Variants in DMD observed in about 807,000 individuals in gnomAD.
The protein encoded by DMD is mutant dystrophin.
A neutral mutation model predicts 330.1 loss-of-function variants in DMD; 63 were observed. The ratio of observed to expected loss-of-function variants is 0.19; its 90% confidence interval spans 0.16 to 0.24. The LOEUF is 0.24. Ranked by LOEUF, DMD falls within the 10% of genes least tolerant of loss-of-function variation. The probability of loss-of-function intolerance (pLI) is 1.00; values close to 1 mark genes in which losing one functional copy is unlikely to be tolerated. For missense variants in DMD, 3,344 were observed against 2,684.1 expected (o/e 1.25, Z -5.43); for synonymous variants, 1,223 against 959.8 (o/e 1.27, Z -5.07).
chrX:32,127,238 C>T (rs530387962), intron 44 of DMD, among the ~76,000 whole-genome samples: 1 of 111,776 alleles, frequency 8.9e-6, no homozygotes, highest in Admixed American at 9.6e-5. Flanking sequence ...TTGTTCTAGC[C>T]AACACACATC....
chrX:31,812,779 G>A (rs1234739708), intron 50 of DMD, among the ~76,000 whole-genome samples: 2 of 111,584 alleles, frequency 1.8e-5, no homozygotes, highest in Non-Finnish European at 3.8e-5. Flanking sequence ...CTCTGTCACT[G>A]ACTAGCTCTG....
chrX:32,581,723 A>G (rs1427981757), intron 13 of DMD, among the ~76,000 whole-genome samples: 2 of 112,165 alleles, frequency 1.8e-5, no homozygotes, highest in African/African-American at 6.5e-5. Flanking sequence ...CCAAGCCTGC[A>G]TAATCAGGTA....
rs187019909 is a variant in DMD, at chrX:31,250,682, C to G, written c.9286+10273G>C. Among the ~76,000 whole-genome samples, 13 of 111,551 alleles carry G rather than the reference C, an allele frequency of 1.2e-4. 1 individual carries two copies. In the South Asian group the frequency reaches 4.9e-3, roughly 42 times the overall value. The stretch of plus-strand genomic sequence containing the variant: ...TTCATCTCATGGAGCAGGGTACAGA[C>G]GAGGTCAAGTGTTGTTGAACTTGAC... On this transcript the variant is annotated intron_variant, in intron 63 of 78. Coordinates refer to ENST00000357033, the MANE Select transcript of DMD (RefSeq NM_004006.3).
chrX:33,258,702 T>C (rs1426793168), intron 1 of DMD, among the ~76,000 whole-genome samples: 1 of 110,925 alleles, frequency 9.0e-6, no homozygotes, highest in Non-Finnish European at 1.9e-5. Context: ...ATATATATGA[T>C]ATTCCAAGAC....
At chrX:33,315,082 G>T in intron 1 of DMD, among the ~76,000 whole-genome samples, 1 of 111,987 alleles carries the variant, frequency 8.9e-6, no homozygotes, top group Middle Eastern at 4.7e-3. Context: ...GCCTCCCAAA[G>T]TGCTGGGATT....
At position 31,911,948 on chromosome X, in the gene DMD, G is replaced by A. The variant is rs113794405; in HGVS notation, c.6912+17648C>T. On this transcript the variant is annotated intron_variant, in intron 47 of 78. Transcript: ENST00000357033. ...TAAGCAGAGCGAAAATAAAAGTATC[G>A]TCATTTTGAAGTGCCATCTTCTCTT... 7.5e-3 allele frequency among the ~76,000 whole-genome samples: 834 copies of A among 111,779 alleles called. 6 individuals carry two copies. Among genetic ancestry groups the A allele is most frequent in the African/African-American group, 0.025 (775 of 30,794 alleles).
intron 1 of DMD, among the ~76,000 whole-genome samples, chrX:33,063,213 A>C (rs1050718014): frequency 1.8e-5 from 2 of 112,104 alleles, no homozygotes; most frequent in Non-Finnish European, 3.8e-5. Flanking sequence ...TCAAATTATA[A>C]TAAAACTAGT....
At chrX:32,900,700 T>C (rs1318440680) in intron 2 of DMD, among the ~76,000 whole-genome samples, 1 of 111,051 alleles carries the variant, frequency 9.0e-6, no homozygotes, top group Non-Finnish European at 1.9e-5. Flanking sequence ...TATTGCTCTA[T>C]ATTCCTTACA....
intron 44 of DMD, among the ~76,000 whole-genome samples, chrX:32,043,219 A>C (rs1216198452): frequency 8.9e-6 from 1 of 112,206 alleles, no homozygotes; most frequent in Non-Finnish European, 1.9e-5. Context: ...ACTTAAAAGA[A>C]AAATGGAAAT....
chrX:32,820,519 G>C (rs1313720673), intron 5 of DMD, among the ~76,000 whole-genome samples: 2 of 112,160 alleles, frequency 1.8e-5, no homozygotes, highest in Non-Finnish European at 3.8e-5. Context: ...TAATAGTCTT[G>C]AAAGCTTATC....
intron 54 of DMD, among the ~76,000 whole-genome samples, chrX:31,647,668 C>T (rs1303230565): frequency 1.8e-5 from 2 of 111,731 alleles, no homozygotes; most frequent in African/African-American, 6.5e-5. Context: ...AAAGGCAATC[C>T]ATCAGTAATT....
At chrX:32,772,683 G>A (rs2073737764) in intron 7 of DMD, among the ~76,000 whole-genome samples, 1 of 111,157 alleles carries the variant, frequency 9.0e-6, no homozygotes, top group Admixed American at 9.6e-5. Context: ...CCCTATGTAA[G>A]TGAACTAATA....
chrX:32,108,028 A>G (rs892984235), intron 44 of DMD, among the ~76,000 whole-genome samples: 9 of 111,397 alleles, frequency 8.1e-5, no homozygotes, highest in African/African-American at 2.9e-4. Context: ...GGAATAATTG[A>G]CATTCTCTAC....
chrX:31,257,199 G>A (rs772064386), intron 63 of DMD, among the ~76,000 whole-genome samples: 2 of 107,482 alleles, frequency 1.9e-5, no homozygotes, highest in Non-Finnish European at 3.8e-5. Flanking sequence ...AGAAGTGGGC[G>A]TCTCTAGGAA....
At chrX:31,621,668 G>T (rs1007879286) in intron 55 of DMD, among the ~76,000 whole-genome samples, 1 of 111,832 alleles carries the variant, frequency 8.9e-6, no homozygotes, top group Non-Finnish European at 1.9e-5. Context: ...GGGACTCAGA[G>T]GTCAGACAAT....
intron 43 of DMD, among the ~76,000 whole-genome samples, chrX:32,254,723 A>G (rs1160305676): frequency 8.9e-6 from 1 of 112,335 alleles, no homozygotes; most frequent in Non-Finnish European, 1.9e-5. Flanking sequence ...ATTGCATTAC[A>G]TGCAATTGTT....
intron 43 of DMD, among the ~76,000 whole-genome samples, chrX:32,250,596 T>C (rs2097259714): frequency 8.9e-6 from 1 of 112,067 alleles, no homozygotes; most frequent in African/African-American, 3.2e-5. Flanking sequence ...GTGTTTTCAC[T>C]CTGGACATGA....
intron 18 of DMD, among the ~76,000 whole-genome samples, chrX:32,514,927 C>T (rs2045709113): frequency 8.9e-6 from 1 of 111,914 alleles, no homozygotes; most frequent in African/African-American, 3.3e-5. Flanking sequence ...AAAAAATCTA[C>T]TAACCTAGTG....
At chrX:33,279,637 A>T (rs2148920077) in intron 1 of DMD, among the ~76,000 whole-genome samples, 1 of 111,224 alleles carries the variant, frequency 9.0e-6, no homozygotes, top group Admixed American at 9.6e-5. Context: ...GAACTGCCAA[A>T]CTATTTTCCA....
Sources: allele counts gnomAD v4.1 joint callset (sites outside exome capture counted in the v4.1 genomes callset), GRCh38; gene constraint gnomAD v4.1.1; transcripts MANE v1.5; gene names NCBI Gene and HGNC (gene_info 2026-07-23, HGNC 2026-07-21).